UBE3C: variants seen among roughly 807,000 people sequenced by gnomAD.
UBE3C encodes ubiquitin protein ligase E3C.
A neutral mutation model predicts 129.4 loss-of-function variants in UBE3C; 42 were observed. The observed-to-expected ratio is 0.32, with a 90% CI of 0.25 to 0.42. UBE3C has a LOEUF of 0.42. Among genes scored for constraint, UBE3C ranks in the 10% least tolerant of loss-of-function variants. The pLI, the probability that UBE3C is intolerant of heterozygous loss-of-function variation, is 1.00. For missense variants in UBE3C, 1,049 were observed against 1,319.1 expected, an observed-to-expected ratio of 0.80 and a Z score of 3.17; for synonymous variants, 510 against 492.4, an observed-to-expected ratio of 1.04 and a Z score of -0.47.
chr7:157,155,958 G>A (rs1389211296), intron 1 of UBE3C, among the ~76,000 whole-genome samples: 2 of 152,032 alleles, frequency 1.3e-5, no homozygotes, highest in African/African-American at 2.4e-5. Flanking sequence ...GCATCCTTAC[G>A]GGTTCTACAT....
intron 1 of UBE3C, among the ~76,000 whole-genome samples, chr7:157,157,705 T>C (rs1038691022): frequency 6.6e-6 from 1 of 152,200 alleles, no homozygotes; most frequent in South Asian, 2.1e-4. Context: ...CTGGGCGTGG[T>C]AGCTCATGCC....
At chr7:157,165,771 T>C (rs1248567154) in intron 2 of UBE3C, among the ~76,000 whole-genome samples, 2 of 152,222 alleles carry the variant, frequency 1.3e-5, no homozygotes, top group Non-Finnish European at 2.9e-5. Context: ...CTTTCATTCT[T>C]TTATATAGTC....
intron 17 of UBE3C, among the ~76,000 whole-genome samples, chr7:157,228,964 C>G (rs1795949400): frequency 6.6e-6 from 1 of 152,188 alleles, no homozygotes; most frequent in Non-Finnish European, 1.5e-5. Context: ...TTCTGCTAAA[C>G]CCCTTTTCCA....
At chr7:157,156,577 G>A (rs958099133) in intron 1 of UBE3C, among the ~76,000 whole-genome samples, 32 of 151,642 alleles carry the variant, frequency 2.1e-4, no homozygotes, top group African/African-American at 6.8e-4. Context: ...AACTGCTAGC[G>A]TTACAGGCAT....
At chr7:157,256,077 C>T (rs1375374378) in intron 21 of UBE3C, among the ~76,000 whole-genome samples, 2 of 152,142 alleles carry the variant, frequency 1.3e-5, no homozygotes, top group Non-Finnish European at 2.9e-5. Flanking sequence ...GGCTCCTCTG[C>T]AGTAGTTCTT....
At chr7:157,180,426 A>G in intron 6 of UBE3C, among the ~76,000 whole-genome samples, 1 of 152,260 alleles carries the variant, frequency 6.6e-6, no homozygotes, top group Admixed American at 6.5e-5. Flanking sequence ...ACTAGTTATC[A>G]GTATACACTA....
intron 5 of UBE3C, among the ~76,000 whole-genome samples, chr7:157,177,303 A>C (rs966591100): frequency 1.3e-5 from 2 of 152,120 alleles, no homozygotes; most frequent in Admixed American, 1.3e-4. Flanking sequence ...GCTCTTTTTC[A>C]AGAGTCTGTT....
At chr7:157,197,250 T>C (rs1809146575) in intron 10 of UBE3C, among the ~76,000 whole-genome samples, 1 of 152,226 alleles carries the variant, frequency 6.6e-6, no homozygotes, top group Non-Finnish European at 1.5e-5. Flanking sequence ...ATCAAGAAAC[T>C]TTAGTGCAAA....
At chr7:157,214,005 T>A (rs1314495073) in intron 13 of UBE3C, among the ~76,000 whole-genome samples, 2 of 152,186 alleles carry the variant, frequency 1.3e-5, no homozygotes, top group Non-Finnish European at 2.9e-5. Context: ...TATTAAACCA[T>A]CCATTACCAC....
At chr7:157,142,462 A>G (rs1477135708) in intron 1 of UBE3C, among the ~76,000 whole-genome samples, 1 of 152,186 alleles carries the variant, frequency 6.6e-6, no homozygotes, top group Non-Finnish European at 1.5e-5. Flanking sequence ...GCTACATTCT[A>G]AATTTCCCTT....
chr7:157,170,860 A>G (rs1030381628), intron 4 of UBE3C, among the ~76,000 whole-genome samples: 5 of 152,062 alleles, frequency 3.3e-5, no homozygotes, highest in African/African-American at 9.7e-5. Flanking sequence ...TATTATTATT[A>G]TATTAGAGAT....
At chr7:157,144,363 A>G (rs1807542984) in intron 1 of UBE3C, among the ~76,000 whole-genome samples, 1 of 152,188 alleles carries the variant, frequency 6.6e-6, no homozygotes, top group African/African-American at 2.4e-5. Flanking sequence ...AGATTGGATG[A>G]TAGAGGGAAA....
chr7:157,261,849 TTAA>T lies in UBE3C; in HGVS notation c.3081+4807_3081+4809del, dbSNP rs1247249468. 3.3e-5 allele frequency among the ~76,000 whole-genome samples: 5 copies of T among 152,336 alleles called. No individual in the cohort carries two copies. The South Asian group carries it at 8.3e-4, about 25-fold the overall frequency. Reference sequence around the variant, plus strand: ...AGTTACCATCAGGCCACATAATAAATTAATGATTTTTCTCACTCTGAATTAATG... The same window carrying T: ...AGTTACCATCAGGCCACATAATAAATTGATTTTTCTCACTCTGAATTAATG... On this transcript the variant is annotated intron_variant, in intron 22 of 22. Transcript: ENST00000348165.
intron 9 of UBE3C, 73 bp from the exon 10 acceptor site, chr7:157,186,761 G>A (rs182009769): frequency 4.5e-5 from 68 of 1,525,952 alleles, no homozygotes; most frequent in Middle Eastern, 3.5e-4. Flanking sequence ...ATGTGATTTC[G>A]TATATGTTTG....
chr7:157,268,370 G>A lies in UBE3C; in HGVS notation c.*615G>A, dbSNP rs1382449355. Reference sequence around the variant, plus strand: ...GCATGCTTGTTTTCAGTATACCGTGGCCTGCCTCATGATGGTTTGGAGATA... The same window carrying A: ...GCATGCTTGTTTTCAGTATACCGTGACCTGCCTCATGATGGTTTGGAGATA... On this transcript the variant is annotated 3_prime_UTR_variant, in exon 23 of 23. Transcript: ENST00000348165. The A allele has an allele frequency of 6.6e-6, 1 of 152,666 alleles. No homozygotes were observed. The highest frequency in any genetic ancestry group is 1.5e-5 in the Non-Finnish European group (1 of 68,058). 9.5% of individuals were successfully genotyped at this position (152,666 alleles called of 1,614,324 possible).
Position 157,211,167 on chromosome 7 carries a change from GGAGA to G in UBE3C, c.1809+3256_1809+3259del, listed in dbSNP as rs3039783. Among the ~76,000 whole-genome samples the G allele has an allele frequency of 6.3e-4, 86 of 137,156 alleles. 1 individual carries two copies. Among genetic ancestry groups the G allele is most frequent in the African/African-American group, 1.9e-3 (64 of 34,182 alleles). The allele number at this position is 137,156 out of a possible 152,430, so 90.0% of individuals were successfully genotyped here. ...CCATGCCCTCATTATCCATATGTCT[GGAGA>G]GAGAGAGAGAGAGAGAGAGAGAGCC... is the stretch of plus-strand genomic sequence containing the variant. On this transcript the variant is annotated intron_variant, in intron 13 of 22. Transcript: ENST00000348165.
At chr7:157,240,330 T>C (rs944518050) in intron 18 of UBE3C, among the ~76,000 whole-genome samples, 1 of 152,138 alleles carries the variant, frequency 6.6e-6, no homozygotes, top group African/African-American at 2.4e-5. Flanking sequence ...GCTGGGATTA[T>C]GGGTGTGAGC....
intron 1 of UBE3C, among the ~76,000 whole-genome samples, chr7:157,154,268 C>T (rs1807842685): frequency 6.6e-6 from 1 of 151,740 alleles, no homozygotes; most frequent in Non-Finnish European, 1.5e-5. Context: ...TGCAGTGAGC[C>T]AAGATCACAC....
chr7:157,207,064 A>C (rs1019181330), intron 11 of UBE3C, among the ~76,000 whole-genome samples: 1 of 152,188 alleles, frequency 6.6e-6, no homozygotes, highest in African/African-American at 2.4e-5. Context: ...AGTAAAGTAC[A>C]TGTGTGTCTT....
Sources: allele counts gnomAD v4.1 joint callset (sites outside exome capture counted in the v4.1 genomes callset), GRCh38; gene constraint gnomAD v4.1.1; transcripts MANE v1.5; gene names NCBI Gene and HGNC (gene_info 2026-07-23, HGNC 2026-07-21).